Variants in ASH2L observed in about 807,000 individuals in gnomAD.
The protein encoded by ASH2L is ASH2 like, histone lysine methyltransferase complex subunit, also known as set1/Ash2 histone methyltransferase complex subunit ASH2.
Under a neutral mutation model 81.1 loss-of-function variants are expected in ASH2L, and 30 were observed. The ratio of observed to expected loss-of-function variants is 0.37; its 90% CI spans 0.28 to 0.50. The LOEUF is 0.50. ASH2L is among the 20% of genes least tolerant of loss of function. The pLI, the probability that ASH2L is intolerant of heterozygous loss-of-function variation, is 0.95. For missense variants in ASH2L, 559 were observed against 792.1 expected (o/e 0.71, Z 3.53); for synonymous variants, 273 against 279.9 (o/e 0.98, Z 0.24).
intron 8 of ASH2L, among the ~76,000 whole-genome samples, chr8:38,117,207 C>G (rs1810943015): frequency 6.6e-6 from 1 of 152,116 alleles, no homozygotes; most frequent in Admixed American, 6.6e-5. Context: ...CGGGAAAACC[C>G]CTCGTTACTA....
intron 3 of ASH2L, 92 bp from the exon 4 acceptor site, chr8:38,110,287 G>T (rs1337588349): frequency 3.1e-6 from 3 of 965,246 alleles, no homozygotes; most frequent in Admixed American, 1.8e-5. Context: ...ACTCCAGCCT[G>T]AGTGGTAGAG....
intron 6 of ASH2L, 41 bp downstream of exon 6, chr8:38,114,328 C>G: frequency 7.8e-7 from 1 of 1,283,626 alleles, no homozygotes; most frequent in Non-Finnish European, 1.1e-6. Context: ...ATTTAAAAAA[C>G]CATTGTTTTT....
At chr8:38,137,247 A>C (rs1276198041) in intron 14 of ASH2L, among the ~76,000 whole-genome samples, 1 of 151,898 alleles carries the variant, frequency 6.6e-6, no homozygotes, top group African/African-American at 2.4e-5. Flanking sequence ...CTAAAAATAC[A>C]AAAATTAGCC....
intron 12 of ASH2L, among the ~76,000 whole-genome samples, chr8:38,130,920 A>G (rs1162737672): frequency 5.9e-5 from 9 of 152,196 alleles, no homozygotes; most frequent in South Asian, 2.1e-4. Flanking sequence ...TTTTTTCCAT[A>G]TGATTACACA....
rs1802403446 is a variant in ASH2L, at chr8:38,139,803, G to A, written c.*732G>A. The A allele has an allele frequency of 6.6e-6, 1 of 152,108 alleles. No individual in the cohort carries two copies. The highest frequency in any genetic ancestry group is 6.6e-5 in the Admixed American group (1 of 15,258). The allele number at this position is 152,108 out of a possible 1,614,324, so 9.4% of individuals were successfully genotyped here. A position where few individuals can be genotyped will look rare whatever the true frequency, so the allele number is the denominator to read the frequency against. The stretch of plus-strand genomic sequence containing the variant: ...GGAGCTGGCACTGGGAGGAAGAGCC[G>A]GGTTTCTGAGTTGTGTTTTGGCTGC... On this transcript the variant is annotated 3_prime_UTR_variant, in exon 16 of 16. Coordinates refer to ENST00000343823, the MANE Select transcript of ASH2L (RefSeq NM_004674.5).
intron 8 of ASH2L, among the ~76,000 whole-genome samples, chr8:38,118,895 T>A (rs1160854388): frequency 2.0e-5 from 3 of 152,176 alleles, no homozygotes; most frequent in African/African-American, 7.2e-5. Context: ...TGAAAAAAAA[T>A]GTGCCCATAC....
At chr8:38,124,967 AG>A (rs1801774655) in intron 10 of ASH2L, among the ~76,000 whole-genome samples, 1 of 152,192 alleles carries the variant, frequency 6.6e-6, no homozygotes, top group Non-Finnish European at 1.5e-5. Flanking sequence ...ATGGCAAGAG[AG>A]GAAGCAAGAC....
In ASH2L at chr8:38,107,158, A is replaced by G. The variant is rs1563248945; in HGVS notation, c.393A>G (p.Ile131Met). Residue 131 changes from isoleucine (I) to methionine (M), a missense_variant, in exon 3 of 16, where the codon ATA becomes ATG. This residue lies in a region of ASH2L where 318 missense variants were observed against 527.0 expected (regional missense o/e 0.60). Coordinates refer to ENST00000343823, the MANE Select transcript of ASH2L (RefSeq NM_004674.5). ...TKWFTADTFG[I>M]DTSSCLPFMT... The stretch of plus-strand genomic sequence containing the variant: ...GGTTCACGGCTGACACATTTGGCAT[A>G]GATACCTCGTGAGTACTTTTCATAG... The G allele has an allele frequency of 6.2e-7, 1 of 1,614,134 alleles. No individual in the cohort carries two copies. The highest frequency in any genetic ancestry group is 8.5e-7 in the Non-Finnish European group (1 of 1,179,976).
intron 3 of ASH2L, among the ~76,000 whole-genome samples, chr8:38,110,152 A>C (rs186537588): frequency 9.0e-4 from 137 of 152,326 alleles, no homozygotes; most frequent in Middle Eastern, 3.4e-3. Context: ...CCATAAAAAA[A>C]TACGAAAATT....
chr8:38,106,809 C>T (rs1394817491), intron 2 of ASH2L, among the ~76,000 whole-genome samples: 1 of 151,572 alleles, frequency 6.6e-6, no homozygotes, highest in Non-Finnish European at 1.5e-5. Context: ...CCGCGCCCGG[C>T]CTTGTTTTTA....
chr8:38,116,555 T>G (rs1463572250), intron 7 of ASH2L, 95 bp from the exon 8 acceptor site: 4 of 974,392 alleles, frequency 4.1e-6, no homozygotes, highest in Non-Finnish European at 6.3e-6. Context: ...ATTGTCAATT[T>G]TAGTTCCCAT....
chr8:38,107,428 T>A (rs1378291113), intron 3 of ASH2L, among the ~76,000 whole-genome samples: 1 of 152,004 alleles, frequency 6.6e-6, no homozygotes, highest in Non-Finnish European at 1.5e-5. Context: ...CAAAAAAAAA[T>A]GCAATTACAA....
At chr8:38,113,914 G>A (rs1000151866) in intron 5 of ASH2L, among the ~76,000 whole-genome samples, 7 of 152,336 alleles carry the variant, frequency 4.6e-5, no homozygotes, top group South Asian at 2.1e-4. Context: ...CCAAGGGACT[G>A]TGACAGAGCT....
At chr8:38,106,875 A>G (rs1810457262) in intron 2 of ASH2L, 146 bp from the exon 3 acceptor site, 3 of 876,620 alleles carry the variant, frequency 3.4e-6, no homozygotes, top group Non-Finnish European at 5.0e-6. Flanking sequence ...TCATGCCTGT[A>G]ATCCCAGCAC....
At chr8:38,119,616 G>A (rs1191368227) in intron 9 of ASH2L, among the ~76,000 whole-genome samples, 2 of 151,996 alleles carry the variant, frequency 1.3e-5, no homozygotes, top group Admixed American at 6.6e-5. Flanking sequence ...GACCAGCCTG[G>A]CCAACATGGC....
At chr8:38,135,820 G>A (rs529283071) in intron 14 of ASH2L, 54 bp downstream of exon 14, 1 of 1,386,272 alleles carries the variant, frequency 7.2e-7, no homozygotes, top group African/African-American at 1.5e-5. Context: ...AGATGAATGG[G>A]TTGTGATGAC....
intron 2 of ASH2L, 67 bp downstream of exon 2, chr8:38,106,511 T>C: frequency 1.2e-5 from 17 of 1,363,952 alleles, no homozygotes; most frequent in Admixed American, 2.1e-5. Flanking sequence ...TTCTTCTTTT[T>C]TTTTTTTTTT....
At position 38,105,647 on chromosome 8, in the gene ASH2L, A is replaced by C; in HGVS notation, c.97A>C (p.Lys33Gln). The change falls in exon 1 of 16, where the codon AAG (lysine) becomes CAG (glutamine). Residue 33 changes from lysine to glutamine, a missense_variant. By Grantham distance (53) the Lys-to-Gln change is moderately conservative. This residue lies in a region of ASH2L where 145 missense variants were observed against 115.5 expected (regional missense o/e 1.26). Coordinates refer to ENST00000343823, the MANE Select transcript of ASH2L (RefSeq NM_004674.5). Reference sequence around the variant, plus strand: ...AACAGGGGCAGAAGAGGGGGAGATGAAGCCGGTGGCAGCGGGAGCAGCCGC... The same window carrying C: ...AACAGGGGCAGAAGAGGGGGAGATGCAGCCGGTGGCAGCGGGAGCAGCCGC... ...NATGAEEGEM[K>Q]PVAAGAAAPP... 6.3e-7 allele frequency: 1 copy of C among 1,598,842 alleles called. No homozygotes were observed. The highest frequency in any genetic ancestry group is 2.3e-5 in the East Asian group (1 of 44,254).
intron 1 of ASH2L, 97 bp downstream of exon 1, chr8:38,105,835 C>T: frequency 6.9e-7 from 1 of 1,449,488 alleles, no homozygotes; most frequent in Non-Finnish European, 9.1e-7. Context: ...CCCTGCGAAC[C>T]CAGGCCCCGC....
Sources: allele counts gnomAD v4.1 joint callset (sites outside exome capture counted in the v4.1 genomes callset), GRCh38; gene constraint gnomAD v4.1.1; regional missense constraint gnomAD v4.1.1; transcripts MANE v1.5; gene names NCBI Gene and HGNC (gene_info 2026-07-23, HGNC 2026-07-21).